Variants in ZDHHC14 observed in about 807,000 individuals in gnomAD.
ZDHHC14 encodes the protein palmitoyltransferase ZDHHC14.
ZDHHC14 carries 16 observed loss-of-function variants against 47.7 expected under a neutral mutation model. That is an observed-to-expected ratio of 0.34 (90% CI 0.23 to 0.51). The LOEUF (loss-of-function observed/expected upper bound fraction) is 0.51, where lower values mean the gene tolerates loss of function less well. Ranked by LOEUF, ZDHHC14 falls within the 20% of genes least tolerant of loss-of-function variation. ZDHHC14 has a pLI of 0.97. For synonymous variants in ZDHHC14, 293 were observed against 278.9 expected, an observed-to-expected ratio of 1.05 and a Z score of -0.50; for missense variants, 515 against 662.5, an observed-to-expected ratio of 0.78 and a Z score of 2.44.
intron 3 of ZDHHC14, among the ~76,000 whole-genome samples, chr6:157,593,796 G>A (rs1312290770): frequency 1.3e-5 from 2 of 152,190 alleles, no homozygotes; most frequent in African/African-American, 2.4e-5. Flanking sequence ...GGATTATTTG[G>A]CAAGCGCCTG....
chr6:157,645,852 C>A lies in ZDHHC14; in HGVS notation c.855+13C>A. The A allele has an allele frequency of 1.9e-6, 3 of 1,609,840 alleles. No individual in the cohort carries two copies. The highest frequency in any genetic ancestry group is 2.6e-6 in the Non-Finnish European group (3 of 1,176,352). On this transcript the variant is annotated intron_variant, in intron 6 of 8. Transcript: ENST00000359775. The stretch of plus-strand genomic sequence containing the variant: ...AACAAATGAGGACGTAAGTTCCTGA[C>A]CACACGGGACACGGGCGTGTTCTTG...
chr6:157,452,795 C>T (rs368571980), intron 1 of ZDHHC14, among the ~76,000 whole-genome samples: 9 of 144,390 alleles, frequency 6.2e-5, no homozygotes, highest in East Asian at 2.2e-4. Flanking sequence ...CTCCGCCTCC[C>T]GGGTTCAAGC....
At chr6:157,558,131 A>G (rs1782552702) in intron 2 of ZDHHC14, among the ~76,000 whole-genome samples, 1 of 152,256 alleles carries the variant, frequency 6.6e-6, no homozygotes. Context: ...GATATGTTAC[A>G]TTCTCTTTTT....
At chr6:157,587,292 T>G (rs781782313) in intron 2 of ZDHHC14, among the ~76,000 whole-genome samples, 3 of 152,232 alleles carry the variant, frequency 2.0e-5, no homozygotes, top group Non-Finnish European at 2.9e-5. Context: ...ACCTTATCTT[T>G]GATGGATTCA....
chr6:157,620,031 G>A (rs1457559615), intron 3 of ZDHHC14, among the ~76,000 whole-genome samples: 2 of 152,162 alleles, frequency 1.3e-5, no homozygotes, highest in African/African-American at 4.8e-5. Flanking sequence ...AAGAGAGTGT[G>A]GGGGAAGAAA....
At chr6:157,430,378 T>C (rs1435001325) in intron 1 of ZDHHC14, among the ~76,000 whole-genome samples, 1 of 147,468 alleles carries the variant, frequency 6.8e-6, no homozygotes, top group African/African-American at 2.5e-5. Context: ...AAGTCCAAAA[T>C]GAATCTCTTT....
intron 1 of ZDHHC14, among the ~76,000 whole-genome samples, chr6:157,507,138 C>G (rs1044849584): frequency 2.0e-5 from 3 of 152,078 alleles, no homozygotes; most frequent in Non-Finnish European, 4.4e-5. Context: ...CTCTTTCTCC[C>G]TAATCCCTTC....
At chr6:157,390,150 A>G (rs1266675408) in intron 1 of ZDHHC14, among the ~76,000 whole-genome samples, 3 of 152,080 alleles carry the variant, frequency 2.0e-5, no homozygotes, top group Non-Finnish European at 4.4e-5. Context: ...CTTCATTTTA[A>G]GAGCATATTT....
rs568666556 is a variant in ZDHHC14 at position 157,655,714 on chromosome 6, A to G, written c.1068+2087A>G. On this transcript the variant is annotated intron_variant, in intron 8 of 8. Transcript: ENST00000359775. ...CAGCTCATCCACCTTCAAAGGGGTC[A>G]GCAGTCAGGGGGCAGTATGTGAGCA... 2.0e-4 allele frequency among the ~76,000 whole-genome samples: 30 copies of G among 152,356 alleles called. 1 individual carries two copies. The East Asian group carries it at 4.6e-3, about 24-fold the overall frequency.
intron 1 of ZDHHC14, among the ~76,000 whole-genome samples, chr6:157,524,042 G>T (rs986494226): frequency 3.3e-5 from 5 of 152,218 alleles, no homozygotes; most frequent in African/African-American, 7.2e-5. Context: ...AGCTGGAAGA[G>T]ATTTAAGGGG....
intron 3 of ZDHHC14, among the ~76,000 whole-genome samples, chr6:157,616,121 T>C (rs1203630373): frequency 6.6e-6 from 1 of 151,940 alleles, no homozygotes; most frequent in East Asian, 1.9e-4. Context: ...GAAGGCCCTG[T>C]TGGCAACAGT....
At position 157,592,825 on chromosome 6, in the gene ZDHHC14, G is replaced by A. The variant is rs371900962; in HGVS notation, c.407-163G>A. 7.6e-5 allele frequency: 109 copies of A among 1,437,474 alleles called. 2 individuals are homozygous for A. The East Asian group carries it at 2.0e-3, about 27-fold the overall frequency. 89.0% of individuals were successfully genotyped at this position (1,437,474 alleles called of 1,614,324 possible). On this transcript the variant is annotated intron_variant, in intron 2 of 8. Transcript: ENST00000359775. ...CAACGAAGGAGGCCGGGGTCCCAGC[G>A]GAGGGTGAGTCCCAGAGCCCCAGCC...
At chr6:157,495,173 CCTCA>C (rs1780029562) in intron 1 of ZDHHC14, among the ~76,000 whole-genome samples, 1 of 152,080 alleles carries the variant, frequency 6.6e-6, no homozygotes, top group Non-Finnish European at 1.5e-5. Flanking sequence ...TCTGTAGATT[CCTCA>C]CTAAGCACTG....
At chr6:157,480,234 GT>G (rs1229579844) in intron 1 of ZDHHC14, among the ~76,000 whole-genome samples, 1 of 140,978 alleles carries the variant, frequency 7.1e-6, no homozygotes, top group African/African-American at 2.6e-5. Context: ...TTTGGGTCAG[GT>G]TTTTTTTGTT....
intron 2 of ZDHHC14, among the ~76,000 whole-genome samples, chr6:157,585,276 C>T (rs1783648464): frequency 6.6e-6 from 1 of 152,078 alleles, no homozygotes; most frequent in African/African-American, 2.4e-5. Flanking sequence ...GTTTTCCCCC[C>T]AAAATTCTAG....
chr6:157,560,355 C>T (rs1782657742), intron 2 of ZDHHC14, among the ~76,000 whole-genome samples: 2 of 152,248 alleles, frequency 1.3e-5, no homozygotes, highest in Admixed American at 1.3e-4. Flanking sequence ...AGATGGCCAA[C>T]CACCACGTCC....
chr6:157,624,878 T>G (rs1348420100), intron 3 of ZDHHC14, among the ~76,000 whole-genome samples: 1 of 152,188 alleles, frequency 6.6e-6, no homozygotes, highest in South Asian at 2.1e-4. Flanking sequence ...GGGTAACTTA[T>G]AAAGAGCAGA....
intron 1 of ZDHHC14, among the ~76,000 whole-genome samples, chr6:157,538,784 T>C (rs1268342344): frequency 1.3e-5 from 2 of 152,150 alleles, no homozygotes; most frequent in African/African-American, 2.4e-5. Context: ...GAGCTGGAAC[T>C]GGAAAGTTGG....
intron 7 of ZDHHC14, 98 bp downstream of exon 7, chr6:157,647,466 GCCA>G: frequency 1.2e-6 from 1 of 809,584 alleles, no homozygotes; most frequent in Non-Finnish European, 2.0e-6. Flanking sequence ...ATGGGTCGCC[GCCA>G]CCACGTGACC....
Sources: allele counts gnomAD v4.1 joint callset (sites outside exome capture counted in the v4.1 genomes callset), GRCh38; gene constraint gnomAD v4.1.1; transcripts MANE v1.5; gene names NCBI Gene and HGNC (gene_info 2026-07-23, HGNC 2026-07-21).